Variants in OGFOD2 observed in about 807,000 individuals in gnomAD.
OGFOD2 encodes 2-oxoglutarate and iron dependent oxygenase domain containing 2.
Under a neutral mutation model 31.1 loss-of-function variants are expected in OGFOD2, and 34 were observed. The ratio of observed to expected loss-of-function variants is 1.09; its 90% CI spans 0.83 to 1.45. The LOEUF (loss-of-function observed/expected upper bound fraction) is 1.45, where lower values mean the gene tolerates loss of function less well. Among genes scored for constraint, OGFOD2 ranks in the 40% most tolerant of loss-of-function variants. The probability of loss-of-function intolerance (pLI) is 0.00; values close to 1 mark genes in which losing one functional copy is unlikely to be tolerated. For synonymous variants in OGFOD2, 240 were observed against 192.3 expected, an observed-to-expected ratio of 1.25 and a Z score of -2.05; for missense variants, 537 against 433.9, an observed-to-expected ratio of 1.24 and a Z score of -2.11.
At position 122,975,288 on chromosome 12, in the gene OGFOD2, T is replaced by A. The variant is rs765013345; in HGVS notation, c.37T>A (p.Cys13Ser). ...GGGGGCTCCGCGGCACTTCTGCCGC[T>A]GCGCCTGCTTCTGCACCGATAACTT... Residue 13 changes from cysteine (C) to serine (S), a missense_variant, in exon 1 of 7, where the codon TGC becomes AGC. Physicochemically the swap from Cys to Ser is moderately radical, Grantham distance 112 (BLOSUM62 -1). Coordinates refer to ENST00000228922, the Ensembl canonical transcript of OGFOD2. 5.8e-6 allele frequency: 4 copies of A among 695,138 alleles called. No individual in the cohort carries two copies. The South Asian group carries it at 5.9e-5, about 10-fold the overall frequency. The allele number at this position is 695,138 out of a possible 1,614,324, so 43.1% of individuals were successfully genotyped here.
At chr12:122,976,283 C>T in intron 2 of OGFOD2, 1 of 1,264,620 alleles carries the variant, frequency 7.9e-7, no homozygotes, top group Non-Finnish European at 1.1e-6. Context: ...CCCACTCCCT[C>T]CTCCTCCTTC....
At chr12:122,975,274 G>C in exon 1 of OGFOD2, 1 of 688,592 alleles carries the variant, frequency 1.5e-6, no homozygotes, top group Non-Finnish European at 2.7e-6. Flanking sequence ...GGGGCTCCGC[G>C]GCACTTCTGC....
exon 7 of OGFOD2, chr12:122,979,409 G>A (rs2037549898): frequency 2.6e-6 from 4 of 1,519,368 alleles, no homozygotes; most frequent in South Asian, 2.5e-5. Flanking sequence ...TGGTCTGGGG[G>A]CAGAAATAAA....
chr12:122,975,603 G>T, intron 1 of OGFOD2: 2 of 601,616 alleles, frequency 3.3e-6, no homozygotes, highest in South Asian at 3.8e-5. Flanking sequence ...AGGGTGCTTA[G>T]GACAGGGCCG....
At chr12:122,979,501 T>A in exon 7 of OGFOD2, 1 of 965,844 alleles carries the variant, frequency 1.0e-6, no homozygotes, top group Non-Finnish European at 1.5e-6. Flanking sequence ...CTGCCTTAGT[T>A]CAGGTTTGTC....
exon 6 of OGFOD2, chr12:122,978,806 G>T (rs769212131): frequency 6.2e-7 from 1 of 1,612,248 alleles, no homozygotes; most frequent in Admixed American, 1.7e-5. Context: ...CACTGCGGGA[G>T]CGCTTCCTGC....
chr12:122,976,595 G>A (rs763079284), intron 2 of OGFOD2, 59 bp from the exon 3 acceptor site: 11 of 1,361,182 alleles, frequency 8.1e-6, no homozygotes, highest in South Asian at 1.2e-5. Flanking sequence ...TTCTTCATCT[G>A]TACAGTGGCC....
At chr12:122,975,769 C>T (rs1438024439) in intron 1 of OGFOD2, 42 bp from the exon 2 acceptor site, 2 of 692,964 alleles carry the variant, frequency 2.9e-6, no homozygotes, top group Non-Finnish European at 2.7e-6. Flanking sequence ...AAGGGATTTC[C>T]TCAGGTCATA....
At chr12:122,977,031 G>T in intron 4 of OGFOD2, 61 bp downstream of exon 4, 1 of 1,503,016 alleles carries the variant, frequency 6.7e-7, no homozygotes. Context: ...AAACCTGGGT[G>T]TGGGATGCTG....
rs560732570 is a variant in OGFOD2, at chr12:122,975,852, G to A, written c.174G>A (p.Gln58=). Residue 58 remains glutamine, a synonymous_variant, in exon 2 of 7, where the codon CAG becomes CAA. Coordinates refer to ENST00000228922, the Ensembl canonical transcript of OGFOD2. Reference sequence around the variant, plus strand: ...GCTGTGTTAGCGCCAAGGACTTCCAGCAGCTGTTAGCAGAGGTACCAGTCC... The same window carrying A: ...GCTGTGTTAGCGCCAAGGACTTCCAACAGCTGTTAGCAGAGGTACCAGTCC... The A allele has an allele frequency of 4.3e-6, 3 of 702,952 alleles. No homozygotes were observed. In the Admixed American group the frequency reaches 6.0e-5, roughly 14 times the overall value. 43.5% of individuals were successfully genotyped at this position (702,952 alleles called of 1,614,324 possible).
At chr12:122,976,582 A>C in intron 2 of OGFOD2, 72 bp from the exon 3 acceptor site, 3 of 1,321,542 alleles carry the variant, frequency 2.3e-6, no homozygotes, top group Non-Finnish European at 2.2e-6. Context: ...TCTGGGCTTC[A>C]GTTTCTTCAT....
chr12:122,976,105 T>C, intron 2 of OGFOD2: 1 of 595,148 alleles, frequency 1.7e-6, no homozygotes, highest in South Asian at 2.0e-5. Context: ...CTCTGTGAGA[T>C]AAGCACAAGC....
In OGFOD2 at chr12:122,978,839, C is replaced by A. The variant is rs953483625; in HGVS notation, c.618C>A (p.Tyr206Ter). Residue 206 changes from tyrosine to a stop codon, truncating the protein, a stop_gained, in exon 6 of 7, where the codon TAC (tyrosine) becomes TAA (stop). Transcript: ENST00000228922. LOFTEE classifies it high-confidence loss of function. Reference sequence around the variant, plus strand: ...TGCAGCCGCTGATGGCCCTGCTGTACCCTGACTGTGGCGGGGGCCGGCTCG... The same window carrying A: ...TGCAGCCGCTGATGGCCCTGCTGTAACCTGACTGTGGCGGGGGCCGGCTCG... 13 of 1,612,892 alleles carry A rather than the reference C, an allele frequency of 8.1e-6. No individual in the cohort carries two copies. Among genetic ancestry groups the A allele is most frequent in the Non-Finnish European group, 1.1e-5 (13 of 1,179,930 alleles).
chr12:122,976,408 C>T (rs764510564), intron 2 of OGFOD2: 3 of 1,613,756 alleles, frequency 1.9e-6, no homozygotes, highest in South Asian at 1.1e-5. Flanking sequence ...TGAGGTACAT[C>T]TAGGGGTTCT....
chr12:122,978,582 T>C lies in OGFOD2; in HGVS notation c.531+13T>C, dbSNP rs369057983. The C allele has an allele frequency of 9.3e-6, 15 of 1,607,894 alleles. No homozygotes were observed. The highest frequency in any genetic ancestry group is 1.3e-5 in the African/African-American group (1 of 74,852). On this transcript the variant is annotated intron_variant, in intron 5 of 6. Transcript: ENST00000228922. The stretch of plus-strand genomic sequence containing the variant: ...GAACAACTACGGGGTGGGTGAGGCC[T>C]GGCCGGTGGCAGAGGAGGGGGTGGC...
At chr12:122,979,395 G>A in exon 7 of OGFOD2, 1 of 1,547,894 alleles carries the variant, frequency 6.5e-7, no homozygotes, top group Non-Finnish European at 8.7e-7. Context: ...GGGCTCCGTT[G>A]CCTTGGTCTG....
intron 5 of OGFOD2, 50 bp downstream of exon 5, chr12:122,978,619 G>C: frequency 6.2e-7 from 1 of 1,601,696 alleles, no homozygotes; most frequent in Non-Finnish European, 8.5e-7. Flanking sequence ...GGGGTCAGGA[G>C]GCAGTGTCAG....
Position 122,976,778 on chromosome 12 carries a change from G to C in OGFOD2, c.303+11G>C. 7 of 1,609,650 alleles carry C rather than the reference G, an allele frequency of 4.3e-6. No individual in the cohort carries two copies. Among genetic ancestry groups the C allele is most frequent in the Non-Finnish European group, 5.9e-6 (7 of 1,176,512 alleles). On this transcript the variant is annotated intron_variant, in intron 3 of 6. Coordinates refer to ENST00000228922, the Ensembl canonical transcript of OGFOD2. ...TACGACTCACTGCAGGTACCAGCCA[G>C]CCAGAGTGCTTGAAGGCCGGTACTG...
exon 1 of OGFOD2, chr12:122,975,280 T>A (rs1174414527): frequency 4.3e-6 from 3 of 693,228 alleles, no homozygotes; most frequent in Non-Finnish European, 7.9e-6. Context: ...CCGCGGCACT[T>A]CTGCCGCTGC....
Sources: allele counts gnomAD v4.1 joint callset, GRCh38; gene constraint gnomAD v4.1.1; transcripts MANE v1.5; gene names NCBI Gene and HGNC (gene_info 2026-07-23, HGNC 2026-07-21).